The following PTPRD variants were observed in gnomAD, a reference collection of about 807,000 sequenced individuals.
PTPRD encodes the protein receptor-type tyrosine-protein phosphatase delta.
PTPRD carries 34 observed loss-of-function variants against 214.5 expected under a neutral mutation model. That is an observed-to-expected ratio of 0.16 (90% CI 0.12 to 0.21). PTPRD has a LOEUF of 0.21. Among genes scored for constraint, PTPRD ranks in the 10% least tolerant of loss-of-function variants. PTPRD has a pLI of 1.00. For synonymous variants in PTPRD, 1,128 were observed against 845.7 expected (o/e 1.33, Z -5.79); for missense variants, 2,545 against 2,398.7 (o/e 1.06, Z -1.27).
intron 10 of PTPRD, among the ~76,000 whole-genome samples, chr9:9,024,786 A>T (rs1170422062): frequency 6.6e-6 from 1 of 151,910 alleles, no homozygotes; most frequent in East Asian, 1.9e-4. Context: ...TACTTGTAAT[A>T]ACTTTTTATA....
intron 9 of PTPRD, among the ~76,000 whole-genome samples, chr9:9,324,239 G>C (rs924460205): frequency 4.6e-5 from 7 of 152,140 alleles, no homozygotes; most frequent in African/African-American, 1.7e-4. Context: ...GGTATTTCTA[G>C]TTCCAGATCC....
intron 14 of PTPRD, among the ~76,000 whole-genome samples, chr9:8,570,554 A>G (rs1275672793): frequency 1.3e-5 from 2 of 152,156 alleles, no homozygotes; most frequent in Non-Finnish European, 2.9e-5. Context: ...GGTTTTAATA[A>G]TAACAAATAC....
At chr9:9,027,963 TACA>T (rs1404289397) in intron 10 of PTPRD, among the ~76,000 whole-genome samples, 2 of 151,976 alleles carry the variant, frequency 1.3e-5, no homozygotes, top group Non-Finnish European at 2.9e-5. Flanking sequence ...TTTTAGCCTG[TACA>T]CAAGGACTCA....
intron 8 of PTPRD, among the ~76,000 whole-genome samples, chr9:9,547,781 C>A (rs2154279093): frequency 7.3e-6 from 1 of 137,606 alleles, no homozygotes; most frequent in East Asian, 2.1e-4. Context: ...TAAGAAAGCT[C>A]AAATAAACAC....
chr9:9,504,393 T>C (rs2096521652), intron 8 of PTPRD, among the ~76,000 whole-genome samples: 1 of 151,696 alleles, frequency 6.6e-6, no homozygotes, highest in African/African-American at 2.4e-5. Flanking sequence ...TATGATGACC[T>C]ACAAGGCCGC....
chr9:8,434,182 A>G (rs1013780165), intron 35 of PTPRD, among the ~76,000 whole-genome samples: 1 of 152,128 alleles, frequency 6.6e-6, no homozygotes, highest in African/African-American at 2.4e-5. Flanking sequence ...GGGTTTCACC[A>G]TGTTGACCAG....
chr9:10,028,916 A>G (rs2154128840), intron 4 of PTPRD, among the ~76,000 whole-genome samples: 1 of 152,304 alleles, frequency 6.6e-6, no homozygotes, highest in South Asian at 2.1e-4. Context: ...AGGTCTTCAC[A>G]GCAACTCCTG....
intron 10 of PTPRD, among the ~76,000 whole-genome samples, chr9:9,133,680 G>A (rs2099846314): frequency 6.6e-6 from 1 of 152,106 alleles, no homozygotes; most frequent in South Asian, 2.1e-4. Context: ...AGCATTGTTC[G>A]GTTACTGAAC....
intron 3 of PTPRD, among the ~76,000 whole-genome samples, chr9:10,173,802 T>C (rs1295755235): frequency 1.3e-5 from 2 of 150,638 alleles, no homozygotes; most frequent in East Asian, 1.9e-4. Flanking sequence ...GATTGAAAGG[T>C]GAATCTCAGG....
chr9:9,171,396 A>G (rs2099916520), intron 10 of PTPRD, among the ~76,000 whole-genome samples: 1 of 150,764 alleles, frequency 6.6e-6, no homozygotes, highest in Non-Finnish European at 1.5e-5. Flanking sequence ...TTTCTTTTCA[A>G]TGTGGACAAA....
At chr9:9,825,637 G>A (rs1598883716) in intron 5 of PTPRD, among the ~76,000 whole-genome samples, 2 of 151,824 alleles carry the variant, frequency 1.3e-5, no homozygotes, top group South Asian at 2.1e-4. Context: ...CTTATTCTAC[G>A]GGGTATTCTC....
intron 2 of PTPRD, among the ~76,000 whole-genome samples, chr9:10,531,247 G>C (rs749281155): frequency 1.3e-5 from 2 of 152,114 alleles, no homozygotes; most frequent in African/African-American, 4.8e-5. Context: ...ACTATGCCCG[G>C]CCAATGGATA....
chr9:9,635,810 C>G (rs2095747906), intron 7 of PTPRD, among the ~76,000 whole-genome samples: 2 of 152,140 alleles, frequency 1.3e-5, no homozygotes, highest in Admixed American at 6.6e-5. Context: ...AGTTTTCCTT[C>G]TAAATAAATG....
chr9:10,499,716 A>G (rs1035899584), intron 2 of PTPRD, among the ~76,000 whole-genome samples: 10 of 151,662 alleles, frequency 6.6e-5, no homozygotes, highest in Non-Finnish European at 1.0e-4. Flanking sequence ...CTAAATTTGT[A>G]GGTTTCTCCT....
At chr9:8,426,323 T>A (rs2094671321) in intron 35 of PTPRD, among the ~76,000 whole-genome samples, 1 of 152,216 alleles carries the variant, frequency 6.6e-6, no homozygotes, top group Non-Finnish European at 1.5e-5. Flanking sequence ...AGTCAAAATA[T>A]GAACCTTGTT....
chr9:8,388,895 G>A (rs532701803), intron 37 of PTPRD, among the ~76,000 whole-genome samples: 10 of 152,094 alleles, frequency 6.6e-5, no homozygotes, highest in South Asian at 4.1e-4. Context: ...CCCAAAGCCC[G>A]TAGGTTCTTG....
chr9:10,455,180 G>C (rs1390808209), intron 2 of PTPRD, among the ~76,000 whole-genome samples: 3 of 151,442 alleles, frequency 2.0e-5, no homozygotes, highest in Non-Finnish European at 3.0e-5. Context: ...TCTTTTTTCA[G>C]CCTCCTCTGG....
chr9:9,639,542 G>A (rs1176843877), intron 7 of PTPRD, among the ~76,000 whole-genome samples: 1 of 152,138 alleles, frequency 6.6e-6, no homozygotes, highest in Non-Finnish European at 1.5e-5. Context: ...AGGCAAAATT[G>A]TTCAGCTATT....
chr9:8,772,466 T>G (rs574574269), intron 11 of PTPRD, among the ~76,000 whole-genome samples: 1 of 151,712 alleles, frequency 6.6e-6, no homozygotes, highest in Non-Finnish European at 1.5e-5. Flanking sequence ...CTGGGCAAGA[T>G]AGTGAGACCC....
Sources: gnomAD v4.1 joint callset for allele counts (sites outside exome capture counted in the v4.1 genomes callset) on GRCh38, gnomAD v4.1.1 for gene constraint, MANE v1.5 for transcripts, NCBI Gene and HGNC (gene_info 2026-07-23, HGNC 2026-07-21) for gene names.